The following RAPGEF1 variants were observed in gnomAD, a reference collection of about 807,000 sequenced individuals.
RAPGEF1 encodes the protein CRK SH3-binding GNRP.
RAPGEF1 carries 33 observed loss-of-function variants against 143.3 expected under a neutral mutation model. The observed-to-expected ratio is 0.23, with a 90% CI of 0.17 to 0.31. The LOEUF (loss-of-function observed/expected upper bound fraction) is 0.31, where lower values mean the gene tolerates loss of function less well. Ranked by LOEUF, RAPGEF1 falls within the 10% of genes least tolerant of loss-of-function variation. The pLI, the probability that RAPGEF1 is intolerant of heterozygous loss-of-function variation, is 1.00. For synonymous variants in RAPGEF1, 629 were observed against 676.5 expected, an observed-to-expected ratio of 0.93 and a Z score of 1.09; for missense variants, 1,199 against 1,645.4, an observed-to-expected ratio of 0.73 and a Z score of 4.69.
Position 131,739,798 on chromosome 9 carries a change from C to T in RAPGEF1, c.33G>A (p.Pro11=), listed in dbSNP as rs1448030968. The change falls in exon 1 of 27, where the codon CCG becomes CCA. Residue 11 remains proline, a synonymous_variant. Transcript: ENST00000683357. The part of the protein sequence containing the change: MSGGLGLRRS[P]EMSGKIEKAD... ...CTTTCTCGATCTTGCCGGACATTTC[C>T]GGGCTGCGCCGGAGGCCGAGGCCGC... The T allele has an allele frequency of 2.2e-5, 26 of 1,160,218 alleles. No homozygotes were observed. Among genetic ancestry groups the T allele is most frequent in the Non-Finnish European group, 2.8e-5 (26 of 924,696 alleles). 71.9% of individuals were successfully genotyped at this position (1,160,218 alleles called of 1,614,324 possible).
Position 131,650,753 on chromosome 9 carries a change from C to G in RAPGEF1, c.201+57G>C. ...CCAGGGAGGGAACATACAAATCGCA[C>G]AAACTCATATTGCTGGAAGCAGGTG... On this transcript the variant is annotated intron_variant, in intron 2 of 26. Transcript: ENST00000683357. The surrounding 1 kb of genome is among the most constrained non-coding windows in gnomAD (Gnocchi z 4.7). The G allele has an allele frequency of 1.3e-6, 2 of 1,590,948 alleles. No homozygotes were observed. The highest frequency in any genetic ancestry group is 2.3e-5 in the South Asian group (2 of 87,822).
chr9:131,684,028 G>C (rs141304421), intron 1 of RAPGEF1, among the ~76,000 whole-genome samples: 190 of 152,350 alleles, frequency 1.2e-3, no homozygotes, highest in Non-Finnish European at 1.8e-3. Context: ...TCTAATGCTA[G>C]ACACTTTCAC....
chr9:131,614,145 C>CG (rs1476010445), intron 12 of RAPGEF1, among the ~76,000 whole-genome samples: 1 of 152,004 alleles, frequency 6.6e-6, no homozygotes, highest in African/African-American at 2.4e-5. Context: ...CCAACACCCC[C>CG]CCCCAAGGAG....
intron 25 of RAPGEF1, among the ~76,000 whole-genome samples, chr9:131,580,815 T>C (rs143211197): frequency 1.1e-3 from 170 of 151,974 alleles, no homozygotes; most frequent in African/African-American, 3.4e-3. Context: ...CCCAGTACTA[T>C]AGGAGGCTAA....
chr9:131,644,211 C>A (rs1055845752), intron 3 of RAPGEF1, among the ~76,000 whole-genome samples: 2 of 152,076 alleles, frequency 1.3e-5, no homozygotes, highest in African/African-American at 4.8e-5. Flanking sequence ...TCTCCCTGAC[C>A]GTGGGAGGCC....
intron 1 of RAPGEF1, among the ~76,000 whole-genome samples, chr9:131,670,038 G>C (rs7033223): frequency 0.05 from 7,577 of 152,208 alleles, 554 homozygotes; most frequent in African/African-American, 0.16. Context: ...TCATCTCACT[G>C]AAGCCTCGAA....
chr9:131,739,512 G>C (rs1474471068), intron 1 of RAPGEF1, among the ~76,000 whole-genome samples: 1 of 151,542 alleles, frequency 6.6e-6, no homozygotes, highest in Non-Finnish European at 1.5e-5. Flanking sequence ...GGAGCGGCTA[G>C]CGCGCCCGGC....
At chr9:131,633,161 C>G (rs1022131625) in intron 5 of RAPGEF1, among the ~76,000 whole-genome samples, 1 of 152,176 alleles carries the variant, frequency 6.6e-6, no homozygotes. Context: ...CATGTTAGCA[C>G]AATTTAGAAG....
At chr9:131,673,450 C>A (rs1831725219) in intron 1 of RAPGEF1, among the ~76,000 whole-genome samples, 1 of 152,228 alleles carries the variant, frequency 6.6e-6, no homozygotes, top group Non-Finnish European at 1.5e-5. Context: ...GAACTGTGTC[C>A]TCAGTGGAAA....
intron 26 of RAPGEF1, 76 bp from the exon 27 acceptor site, chr9:131,579,723 G>A (rs1257528884): frequency 1.3e-6 from 2 of 1,494,160 alleles, no homozygotes; most frequent in Non-Finnish European, 9.1e-7. Flanking sequence ...CCTCCTGGAA[G>A]GTGCCGCGGG....
At chr9:131,670,207 T>G (rs6597520) in intron 1 of RAPGEF1, among the ~76,000 whole-genome samples, 131,593 of 152,178 alleles carry the variant, frequency 0.86, 57,100 homozygotes, top group African/African-American at 0.93. Flanking sequence ...CCCTAAGGAT[T>G]GTTCAAACAA....
At chr9:131,582,769 G>A in intron 24 of RAPGEF1, 67 bp from the exon 25 acceptor site, 1 of 1,380,952 alleles carries the variant, frequency 7.2e-7, no homozygotes. Flanking sequence ...CTGGGGCAGA[G>A]CCCTGGTCCT....
In RAPGEF1 at chr9:131,626,079, C is replaced by G. The variant is rs374381109; in HGVS notation, c.1545G>C (p.Pro515=). The G allele has an allele frequency of 8.7e-6, 14 of 1,613,800 alleles. No individual in the cohort carries two copies. Among genetic ancestry groups the G allele is most frequent in the Non-Finnish European group, 1.2e-5 (14 of 1,179,856 alleles). The change falls in exon 10 of 27, where the codon CCG becomes CCC. Residue 515 remains proline, a synonymous_variant. Transcript: ENST00000683357. ...AGGGCGCGTAGGGGACGGATGGGATCGGGGCTGTGCTCTGCAGGTCCTCCC... is the reference window on the plus strand; with the variant it reads ...AGGGCGCGTAGGGGACGGATGGGATGGGGGCTGTGCTCTGCAGGTCCTCCC... ...ISGEDLQSTA[P]IPSVPYAPFA... is the part of the protein sequence containing the mutation.
Position 131,584,427 on chromosome 9 carries a change from G to A in RAPGEF1, c.3313-15C>T, listed in dbSNP as rs1393979787. The A allele has an allele frequency of 6.2e-7, 1 of 1,613,718 alleles. No homozygotes were observed. The highest frequency in any genetic ancestry group is 8.5e-7 in the Non-Finnish European group (1 of 1,179,650). ...TTCCGCAAGTGCTGCCGAGAGAGGGGCGGTGCCGTGAGGCAGGAGGGCAGG... is the reference window on the plus strand; with the variant it reads ...TTCCGCAAGTGCTGCCGAGAGAGGGACGGTGCCGTGAGGCAGGAGGGCAGG... On this transcript the variant is annotated splice_polypyrimidine_tract_variant and intron_variant, in intron 23 of 26. Transcript: ENST00000683357. This position sits in a 1 kb window ranked among gnomAD's most constrained non-coding sequence, Gnocchi z 6.8.
rs532445304 is a variant in RAPGEF1, at chr9:131,719,795, T to C, written c.61+19975A>G. ...TGAGATCTGAAAGAGTTAAGATTTGTACATAGTCATACACCGAATTGGGGC... is the reference window on the plus strand; with the variant it reads ...TGAGATCTGAAAGAGTTAAGATTTGCACATAGTCATACACCGAATTGGGGC... On this transcript the variant is annotated intron_variant, in intron 1 of 26. Transcript: ENST00000683357. Among the ~76,000 whole-genome samples, 3 of 152,156 alleles carry C rather than the reference T, an allele frequency of 2.0e-5. No homozygotes were observed. In the East Asian group the frequency reaches 5.8e-4, roughly 29 times the overall value.
intron 1 of RAPGEF1, among the ~76,000 whole-genome samples, chr9:131,732,445 A>C (rs1423738799): frequency 6.6e-6 from 1 of 152,158 alleles, no homozygotes. Flanking sequence ...CTCAAGTGGA[A>C]GCTCAAAGAA....
chr9:131,610,775 C>T (rs1957917869), intron 12 of RAPGEF1, among the ~76,000 whole-genome samples: 1 of 152,186 alleles, frequency 6.6e-6, no homozygotes, highest in South Asian at 2.1e-4. Context: ...CCTAATTTAT[C>T]TATTCTGGAA....
chr9:131,735,999 C>T (rs1589132346), intron 1 of RAPGEF1, among the ~76,000 whole-genome samples: 2 of 152,212 alleles, frequency 1.3e-5, no homozygotes, highest in African/African-American at 4.8e-5. Context: ...GCTCCAAAAA[C>T]ATGACGGTAT....
At chr9:131,685,662 C>T (rs562199947) in intron 1 of RAPGEF1, among the ~76,000 whole-genome samples, 2 of 152,282 alleles carry the variant, frequency 1.3e-5, no homozygotes, top group African/African-American at 4.8e-5. Context: ...TGTTAATAAA[C>T]ACGTGGGTAA....
Sources: allele counts gnomAD v4.1 joint callset (sites outside exome capture counted in the v4.1 genomes callset), GRCh38; gene constraint gnomAD v4.1.1; non-coding constraint Gnocchi (gnomAD v3.1); transcripts MANE v1.5; gene names NCBI Gene and HGNC (gene_info 2026-07-23, HGNC 2026-07-21).